RAPGEF1: variants seen among roughly 807,000 people sequenced by gnomAD.
RAPGEF1 encodes the protein Rap guanine nucleotide exchange factor 1, also known as CRK SH3-binding GNRP.
In RAPGEF1, 33 loss-of-function variants were observed where a neutral mutation model predicts 143.3. The observed-to-expected ratio is 0.23, with a 90% CI of 0.17 to 0.31. RAPGEF1 has a LOEUF of 0.31. Among genes scored for constraint, RAPGEF1 ranks in the 10% least tolerant of loss-of-function variants. The probability of loss-of-function intolerance (pLI) is 1.00; values close to 1 mark genes in which losing one functional copy is unlikely to be tolerated. For missense variants in RAPGEF1, 1,199 were observed against 1,645.4 expected, an observed-to-expected ratio of 0.73 and a Z score of 4.69; for synonymous variants, 629 against 676.5, an observed-to-expected ratio of 0.93 and a Z score of 1.09.
At chr9:131,731,761 C>T (rs1168550472) in intron 1 of RAPGEF1, among the ~76,000 whole-genome samples, 5 of 152,194 alleles carry the variant, frequency 3.3e-5, no homozygotes, top group South Asian at 2.1e-4. Context: ...ACTGCAGAAT[C>T]GCCTGATCAC....
intron 9 of RAPGEF1, among the ~76,000 whole-genome samples, chr9:131,627,194 A>G (rs1963395093): frequency 7.5e-6 from 1 of 133,704 alleles, no homozygotes; most frequent in East Asian, 2.4e-4. Context: ...AGCCTGGGTG[A>G]CAGAGTGAGG....
intron 1 of RAPGEF1, among the ~76,000 whole-genome samples, chr9:131,691,995 CTCT>C (rs1433165916): frequency 1.3e-5 from 2 of 152,200 alleles, no homozygotes; most frequent in Admixed American, 1.3e-4. Flanking sequence ...TTATTTGTGA[CTCT>C]TCTTATCTTT....
chr9:131,727,410 A>C (rs1836750197), intron 1 of RAPGEF1, among the ~76,000 whole-genome samples: 2 of 152,172 alleles, frequency 1.3e-5, no homozygotes, highest in South Asian at 4.1e-4. Context: ...GATCTTAAAA[A>C]GCTCAGGAAC....
Position 131,584,176 on chromosome 9 carries a change from C to T in RAPGEF1, c.3414+135G>A, listed in dbSNP as rs1952326533. Reference sequence around the variant, plus strand: ...GAGGGCAGCTGTTCTGGTCACACAGCATGTCGGTGGCAGAGCAGGGGCCTA... The same window carrying T: ...GAGGGCAGCTGTTCTGGTCACACAGTATGTCGGTGGCAGAGCAGGGGCCTA... On this transcript the variant is annotated intron_variant, in intron 24 of 26. Transcript: ENST00000683357. This position sits in a 1 kb window ranked among gnomAD's most constrained non-coding sequence, Gnocchi z 6.8. 3 of 779,956 alleles carry T rather than the reference C, an allele frequency of 3.8e-6. No individual in the cohort carries two copies. The highest frequency in any genetic ancestry group is 6.2e-6 in the Non-Finnish European group (3 of 483,694). The allele number at this position is 779,956 out of a possible 1,614,324, so 48.3% of individuals were successfully genotyped here.
chr9:131,586,602 C>G (rs1223739099), intron 22 of RAPGEF1, among the ~76,000 whole-genome samples: 2 of 86,044 alleles, frequency 2.3e-5, no homozygotes, highest in Admixed American at 1.2e-4. Flanking sequence ...AGCGAGACTC[C>G]GTCTCAAACA....
intron 1 of RAPGEF1, among the ~76,000 whole-genome samples, chr9:131,718,579 C>T (rs1165232875): frequency 2.6e-5 from 4 of 152,018 alleles, no homozygotes; most frequent in African/African-American, 7.2e-5. Flanking sequence ...AGGGGTTTAC[C>T]GAGGGACTGG....
At chr9:131,608,471 T>G (rs997488808) in intron 12 of RAPGEF1, among the ~76,000 whole-genome samples, 1 of 152,148 alleles carries the variant, frequency 6.6e-6, no homozygotes, top group Non-Finnish European at 1.5e-5. Flanking sequence ...ACCCACTGCA[T>G]GGGTTCAGGT....
intron 1 of RAPGEF1, among the ~76,000 whole-genome samples, chr9:131,685,161 G>A (rs1034224824): frequency 6.6e-6 from 1 of 152,214 alleles, no homozygotes; most frequent in African/African-American, 2.4e-5. Flanking sequence ...GAAGCTCTGT[G>A]ATTTCAATGA....
intron 1 of RAPGEF1, among the ~76,000 whole-genome samples, chr9:131,703,866 G>C (rs1483944321): frequency 6.6e-6 from 1 of 152,156 alleles, no homozygotes; most frequent in East Asian, 1.9e-4. Context: ...CTGAGAGACA[G>C]AAACAGGTGG....
intron 1 of RAPGEF1, among the ~76,000 whole-genome samples, chr9:131,715,821 C>T (rs1472049685): frequency 1.4e-5 from 2 of 147,110 alleles, no homozygotes; most frequent in African/African-American, 2.5e-5. Flanking sequence ...GTGGAGATTG[C>T]ACCACTGCAC....
Position 131,586,982 on chromosome 9 carries a change from ACAC to A in RAPGEF1, c.3233+751_3233+753del, listed in dbSNP as rs1358231343. ...CTCCGTCTCAAACACACACACACACACACACCTGCAGAGTGAGACTCCGTCTCA... is the reference window on the plus strand; with the variant it reads ...CTCCGTCTCAAACACACACACACACAACCTGCAGAGTGAGACTCCGTCTCA... On this transcript the variant is annotated intron_variant, in intron 22 of 26. Transcript: ENST00000683357. Among the ~76,000 whole-genome samples, 4 of 116,512 alleles carry A rather than the reference ACAC, an allele frequency of 3.4e-5. 1 individual carries two copies. Among genetic ancestry groups the A allele is most frequent in the African/African-American group, 6.9e-5 (2 of 28,786 alleles). 76.4% of individuals were successfully genotyped at this position (116,512 alleles called of 152,430 possible).
intron 1 of RAPGEF1, among the ~76,000 whole-genome samples, chr9:131,653,888 T>C (rs1463053661): frequency 6.6e-6 from 1 of 152,250 alleles, no homozygotes; most frequent in Non-Finnish European, 1.5e-5. Context: ...CAAATGTCCA[T>C]GTTTGTGAAT....
chr9:131,660,760 G>A (rs1309890517), intron 1 of RAPGEF1, among the ~76,000 whole-genome samples: 1 of 152,258 alleles, frequency 6.6e-6, no homozygotes, highest in Non-Finnish European at 1.5e-5. Context: ...CTGGATGGAG[G>A]CAGAAGGGGT....
intron 1 of RAPGEF1, among the ~76,000 whole-genome samples, chr9:131,683,949 C>CAT (rs1355667973): frequency 1.3e-5 from 2 of 152,234 alleles, no homozygotes; most frequent in African/African-American, 4.8e-5. Context: ...CATTAGGGCT[C>CAT]GTACACTTCT....
chr9:131,718,669 G>C (rs756976073), intron 1 of RAPGEF1, among the ~76,000 whole-genome samples: 1 of 152,132 alleles, frequency 6.6e-6, no homozygotes, highest in Non-Finnish European at 1.5e-5. Context: ...TGAACAATCG[G>C]ATCAAAAATG....
At chr9:131,602,608 G>C (rs932841590) in intron 14 of RAPGEF1, among the ~76,000 whole-genome samples, 5 of 152,226 alleles carry the variant, frequency 3.3e-5, no homozygotes, top group Admixed American at 6.5e-5. Context: ...GCTTGGATTT[G>C]AACCCAGGGC....
At position 131,675,883 on chromosome 9, in the gene RAPGEF1, C is replaced by T. The variant is rs900251693; in HGVS notation, c.62-24934G>A. ...GCATGATTGGGAAACAGCCTGAACT[C>T]GAACTGCTCAGTTTGACAAAAACTC... is the stretch of plus-strand genomic sequence containing the variant. On this transcript the variant is annotated intron_variant, in intron 1 of 26. Transcript: ENST00000683357. The surrounding 1 kb of genome is among the most constrained non-coding windows in gnomAD (Gnocchi z 4.6). Among the ~76,000 whole-genome samples, 12 of 151,952 alleles carry T rather than the reference C, an allele frequency of 7.9e-5. No individual in the cohort carries two copies. Among genetic ancestry groups the T allele is most frequent in the Admixed American group, 1.3e-4 (2 of 15,256 alleles).
intron 3 of RAPGEF1, among the ~76,000 whole-genome samples, chr9:131,646,223 G>C (rs1167842500): frequency 6.6e-6 from 1 of 152,176 alleles, no homozygotes; most frequent in East Asian, 1.9e-4. Flanking sequence ...GGCTTAGTGG[G>C]ACGTGGGGGA....
intron 1 of RAPGEF1, among the ~76,000 whole-genome samples, chr9:131,697,167 T>G (rs1272519183): frequency 1.3e-5 from 2 of 150,660 alleles, no homozygotes; most frequent in Non-Finnish European, 2.9e-5. Context: ...AGCCCTCTGC[T>G]GGCCCAGGCT....
Sources: gnomAD v4.1 joint callset for allele counts (sites outside exome capture counted in the v4.1 genomes callset) on GRCh38, gnomAD v4.1.1 for gene constraint, Gnocchi (gnomAD v3.1) non-coding constraint, MANE v1.5 for transcripts, NCBI Gene and HGNC (gene_info 2026-07-23, HGNC 2026-07-21) for gene names.